Variants in DECR1 observed in about 807,000 individuals in gnomAD.
DECR1 encodes the protein 2,4-dienoyl-CoA reductase 1.
DECR1 carries 44 observed loss-of-function variants against 38.8 expected under a neutral mutation model. That is an observed-to-expected ratio of 1.13 (90% CI 0.89 to 1.46). DECR1 has a LOEUF of 1.46. Ranked by LOEUF, DECR1 falls within the 40% of genes most tolerant of loss-of-function variation. The pLI, the probability that DECR1 is intolerant of heterozygous loss-of-function variation, is 0.00. For missense variants in DECR1, 428 were observed against 405.5 expected (o/e 1.06, Z -0.48); for synonymous variants, 148 against 135.2 (o/e 1.09, Z -0.66).
intron 6 of DECR1, 160 bp from the exon 7 acceptor site, chr8:90,042,568 C>A: frequency 1.6e-6 from 1 of 630,456 alleles, no homozygotes; most frequent in Non-Finnish European, 2.8e-6. Context: ...CCTCTCTGTG[C>A]CTTAGTTACA....
intron 5 of DECR1, among the ~76,000 whole-genome samples, chr8:90,022,740 C>T (rs1813196388): frequency 6.6e-6 from 1 of 151,996 alleles, no homozygotes; most frequent in Non-Finnish European, 1.5e-5. Context: ...CTTCATCTGT[C>T]TCTTTCGTTT....
chr8:90,045,079 T>C (rs1437959400), intron 8 of DECR1, 84 bp downstream of exon 8: 2 of 1,237,280 alleles, frequency 1.6e-6, no homozygotes, highest in Non-Finnish European at 2.4e-6. Context: ...ATCCTGACAA[T>C]GCTGAATGTA....
At chr8:90,023,585 T>C (rs575604275) in intron 5 of DECR1, among the ~76,000 whole-genome samples, 6 of 152,276 alleles carry the variant, frequency 3.9e-5, no homozygotes, top group Non-Finnish European at 7.4e-5. Flanking sequence ...TAAGAACAAA[T>C]CAAATACATT....
rs200259146 is a variant in DECR1 at position 90,050,629 on chromosome 8, G to A, written c.886-1048G>A. Among the ~76,000 whole-genome samples, 20 of 152,200 alleles carry A rather than the reference G, an allele frequency of 1.3e-4. No homozygotes were observed. The South Asian group carries it at 3.5e-3, about 27-fold the overall frequency. ...AAGACAGTGTGGTGATTCCTCAAGGGTCTAGAACTAGAAATACCATTTGAC... is the reference window on the plus strand; with the variant it reads ...AAGACAGTGTGGTGATTCCTCAAGGATCTAGAACTAGAAATACCATTTGAC... On this transcript the variant is annotated intron_variant, in intron 8 of 9. Transcript: ENST00000220764.
At chr8:90,044,287 A>G (rs1813831434) in intron 7 of DECR1, among the ~76,000 whole-genome samples, 1 of 152,170 alleles carries the variant, frequency 6.6e-6, no homozygotes. Flanking sequence ...AGAAAAATCC[A>G]GTTGTTTTTA....
intron 6 of DECR1, among the ~76,000 whole-genome samples, chr8:90,038,604 A>G (rs531244112): frequency 6.6e-6 from 1 of 151,980 alleles, no homozygotes; most frequent in Non-Finnish European, 1.5e-5. Flanking sequence ...GATTACAGGC[A>G]TATGCCACCA....
intron 5 of DECR1, among the ~76,000 whole-genome samples, chr8:90,022,905 C>G (rs1016345590): frequency 3.3e-5 from 5 of 152,042 alleles, no homozygotes; most frequent in African/African-American, 1.2e-4. Context: ...GATTAAAATT[C>G]TATGAGCTTC....
chr8:90,029,322 G>A (rs557194042), intron 5 of DECR1: 22 of 152,248 alleles, frequency 1.4e-4, no homozygotes, highest in African/African-American at 4.3e-4. Flanking sequence ...ATGGACATCC[G>A]ATAGCCTAGC....
chr8:90,003,504 AT>A (rs1392579242), intron 1 of DECR1, among the ~76,000 whole-genome samples: 1 of 152,220 alleles, frequency 6.6e-6, no homozygotes, highest in Non-Finnish European at 1.5e-5. Flanking sequence ...TGAGGAAAAC[AT>A]TCAGTCATTC....
At chr8:90,051,168 T>C (rs1164057231) in intron 8 of DECR1, among the ~76,000 whole-genome samples, 1 of 147,546 alleles carries the variant, frequency 6.8e-6, no homozygotes, top group Non-Finnish European at 1.5e-5. Context: ...GAACTTCAAG[T>C]ATAATTAAAA....
At chr8:90,037,271 C>T (rs760557673) in intron 6 of DECR1, among the ~76,000 whole-genome samples, 4 of 152,084 alleles carry the variant, frequency 2.6e-5, no homozygotes, top group Admixed American at 6.6e-5. Context: ...ACATATTAGA[C>T]ACCACAGGAC....
chr8:90,017,295 A>T lies in DECR1; in HGVS notation c.241A>T (p.Ser81Cys). The T allele has an allele frequency of 3.7e-6, 6 of 1,614,202 alleles. No homozygotes were observed. The highest frequency in any genetic ancestry group is 5.1e-6 in the Non-Finnish European group (6 of 1,180,046). ...LGKGMTTLLS[S>C]LGAQCVIASR... The stretch of plus-strand genomic sequence containing the variant: ...TAAAGGAATGACAACTCTTCTGTCC[A>T]GCCTAGGTGCTCAGTGCGTGATAGC... The change falls in exon 2 of 10, where the codon AGC becomes TGC. Residue 81 changes from serine to cysteine, a missense_variant. Transcript: ENST00000220764.
intron 8 of DECR1, among the ~76,000 whole-genome samples, chr8:90,046,706 G>A (rs1400864129): frequency 6.6e-6 from 1 of 152,152 alleles, no homozygotes; most frequent in African/African-American, 2.4e-5. Context: ...GATACTCCCT[G>A]AGAAGAGCAA....
chr8:90,016,437 C>A (rs1325017087), intron 1 of DECR1, among the ~76,000 whole-genome samples: 1 of 152,030 alleles, frequency 6.6e-6, no homozygotes, highest in Non-Finnish European at 1.5e-5. Flanking sequence ...GAGATCGAGA[C>A]CATCCTAGCC....
At chr8:90,042,600 A>G in intron 6 of DECR1, 128 bp from the exon 7 acceptor site, 1 of 758,614 alleles carries the variant, frequency 1.3e-6, no homozygotes, top group South Asian at 1.6e-5. Flanking sequence ...ATAGGGAACA[A>G]TAATAGTACC....
intron 5 of DECR1, among the ~76,000 whole-genome samples, chr8:90,025,076 T>G (rs1366802277): frequency 1.3e-5 from 2 of 152,216 alleles, no homozygotes; most frequent in East Asian, 3.8e-4. Context: ...GTTCCATTGA[T>G]CTATATCTCT....
chr8:90,049,321 T>G (rs1235863513), intron 8 of DECR1, among the ~76,000 whole-genome samples: 1 of 152,198 alleles, frequency 6.6e-6, no homozygotes, highest in Non-Finnish European at 1.5e-5. Context: ...ATAAGCAACT[T>G]CAGCAAAGTC....
chr8:90,047,246 T>A (rs1264498571), intron 8 of DECR1, among the ~76,000 whole-genome samples: 5 of 151,994 alleles, frequency 3.3e-5, no homozygotes, highest in Middle Eastern at 3.2e-3. Context: ...GCAAATTGGA[T>A]AAAGAGTCAA....
At chr8:90,006,053 G>A (rs1812730565) in intron 1 of DECR1, 9 of 622,226 alleles carry the variant, frequency 1.4e-5, no homozygotes, top group Non-Finnish European at 2.0e-5. Context: ...ATGGTACTAC[G>A]ACATTCATGA....
Sources: allele counts gnomAD v4.1 joint callset (sites outside exome capture counted in the v4.1 genomes callset), GRCh38; gene constraint gnomAD v4.1.1; transcripts MANE v1.5; gene names NCBI Gene and HGNC (gene_info 2026-07-23, HGNC 2026-07-21).